RANBP2: variants seen among roughly 807,000 people sequenced by gnomAD.
The protein encoded by RANBP2 is E3 SUMO-protein ligase RanBP2.
Under a neutral mutation model 303.6 loss-of-function variants are expected in RANBP2, and 57 were observed. The observed-to-expected ratio is 0.19, with a 90% CI of 0.15 to 0.23. RANBP2 has a LOEUF of 0.23. Ranked by LOEUF, RANBP2 falls within the 10% of genes least tolerant of loss-of-function variation. RANBP2 has a pLI of 1.00. For missense variants in RANBP2, 3,138 were observed against 3,780.8 expected (o/e 0.83, Z 4.46); for synonymous variants, 1,167 against 1,301.5 (o/e 0.90, Z 2.23).
the RANBP2 span, among the ~76,000 whole-genome samples, chr2:109,199,227 C>T: frequency 0.13 from 18,964 of 146,420 alleles, 1,474 homozygotes; most frequent in Middle Eastern, 0.18. Flanking sequence ...GGCGTGGTGG[C>T]GGGTGCCTGT....
chr2:109,246,057 A>T, the RANBP2 span, among the ~76,000 whole-genome samples: 7 of 152,220 alleles, frequency 4.6e-5, no homozygotes, highest in African/African-American at 1.7e-4. Flanking sequence ...TCATACTTCA[A>T]TTTTACACCT....
chr2:109,626,512 G>C, the RANBP2 span, among the ~76,000 whole-genome samples: 3 of 152,116 alleles, frequency 2.0e-5, no homozygotes, highest in African/African-American at 7.2e-5. Flanking sequence ...AAATGCCCCT[G>C]AGAAGGCTGT....
At chr2:109,345,630 C>T in the RANBP2 span, among the ~76,000 whole-genome samples, 7 of 152,248 alleles carry the variant, frequency 4.6e-5, no homozygotes, top group South Asian at 8.3e-4. Context: ...CAAAACTGCT[C>T]GCCTTGATGG....
intron 17 of RANBP2, among the ~76,000 whole-genome samples, chr2:108,757,244 T>TAGAACC (rs1676387843): frequency 6.6e-6 from 1 of 152,180 alleles, no homozygotes; most frequent in Non-Finnish European, 1.5e-5. Flanking sequence ...ATTTTGTAGG[T>TAGAACC]TCTAGGGTTG....
chr2:109,528,472 C>T, the RANBP2 span, among the ~76,000 whole-genome samples: 2 of 152,324 alleles, frequency 1.3e-5, no homozygotes, highest in Middle Eastern at 3.4e-3. Context: ...TCAAGCCAAA[C>T]GGGTGCAAGA....
At chr2:109,213,531 C>T in the RANBP2 span, among the ~76,000 whole-genome samples, 1 of 152,170 alleles carries the variant, frequency 6.6e-6, no homozygotes, top group Non-Finnish European at 1.5e-5. Flanking sequence ...CATCTGAAGC[C>T]TCTATCACCT....
At chr2:108,956,237 T>G in the RANBP2 span, among the ~76,000 whole-genome samples, 4 of 152,190 alleles carry the variant, frequency 2.6e-5, no homozygotes, top group Non-Finnish European at 5.9e-5. Context: ...TTCACTGTCA[T>G]AAATACAGTT....
At chr2:109,599,226 GAC>G in the RANBP2 span, among the ~76,000 whole-genome samples, 22 of 152,214 alleles carry the variant, frequency 1.4e-4, no homozygotes, top group Middle Eastern at 6.8e-3. Context: ...GGGAGGCCAA[GAC>G]CGGTGGATCA....
chr2:109,497,485 C>T, the RANBP2 span, among the ~76,000 whole-genome samples: 1 of 152,326 alleles, frequency 6.6e-6, no homozygotes, highest in East Asian at 1.9e-4. Flanking sequence ...TCCTTGAGCC[C>T]TGTGTCTGAA....
At chr2:109,726,313 G>C in the RANBP2 span, among the ~76,000 whole-genome samples, 1 of 152,104 alleles carries the variant, frequency 6.6e-6, no homozygotes, top group East Asian at 2.0e-4. Context: ...GGGAAGCTGA[G>C]GCAAGAGAAT....
the RANBP2 span, among the ~76,000 whole-genome samples, chr2:109,262,268 T>C: frequency 6.6e-6 from 1 of 152,316 alleles, no homozygotes; most frequent in East Asian, 1.9e-4. Flanking sequence ...GAGAAACCAG[T>C]TGTCTAAGTG....
chr2:109,030,735 C>G, the RANBP2 span, among the ~76,000 whole-genome samples: 1 of 152,114 alleles, frequency 6.6e-6, no homozygotes, highest in Admixed American at 6.6e-5. Flanking sequence ...GGTTCTGTCT[C>G]TTGACAGTTT....
At chr2:109,268,996 C>T in the RANBP2 span, among the ~76,000 whole-genome samples, 8 of 152,336 alleles carry the variant, frequency 5.3e-5, no homozygotes, top group Non-Finnish European at 1.2e-4. Context: ...CTTCTGAGCC[C>T]TAAGACATGC....
the RANBP2 span, among the ~76,000 whole-genome samples, chr2:109,139,558 A>C: frequency 6.6e-6 from 1 of 152,246 alleles, no homozygotes; most frequent in Non-Finnish European, 1.5e-5. Flanking sequence ...TCTGAGTTTT[A>C]AAAATTAATT....
the RANBP2 span, among the ~76,000 whole-genome samples, chr2:109,347,004 T>A: frequency 6.6e-6 from 1 of 152,306 alleles, no homozygotes; most frequent in African/African-American, 2.4e-5. Context: ...ACACAGGCTG[T>A]TTGTCATCAT....
At chr2:109,546,483 A>G in the RANBP2 span, among the ~76,000 whole-genome samples, 1 of 151,946 alleles carries the variant, frequency 6.6e-6, no homozygotes, top group Non-Finnish European at 1.5e-5. Flanking sequence ...TATTTTTAAA[A>G]CATTGTGAAC....
chr2:109,709,261 G>A, the RANBP2 span, among the ~76,000 whole-genome samples: 14 of 148,522 alleles, frequency 9.4e-5, no homozygotes, highest in Admixed American at 4.1e-4. Flanking sequence ...GGCTGAGATC[G>A]CACCATTGCG....
the RANBP2 span, among the ~76,000 whole-genome samples, chr2:109,143,809 T>TACACACAC: frequency 1.0e-4 from 15 of 148,716 alleles, no homozygotes; most frequent in African/African-American, 2.0e-4. Context: ...CTGTGCTGTA[T>TACACACAC]ACACACACAC....
the RANBP2 span, among the ~76,000 whole-genome samples, chr2:109,484,289 A>G: frequency 6.6e-6 from 1 of 151,376 alleles, no homozygotes; most frequent in East Asian, 1.9e-4. Context: ...CTGGTCTCGA[A>G]CTCCTGACCT....
Sources: allele counts gnomAD v4.1 joint callset (sites outside exome capture counted in the v4.1 genomes callset), GRCh38; gene constraint gnomAD v4.1.1; transcripts MANE v1.5; gene names NCBI Gene and HGNC (gene_info 2026-07-23, HGNC 2026-07-21).